IFRD2: variants seen among roughly 807,000 people sequenced by gnomAD.
IFRD2 encodes the protein interferon-related developmental regulator 2.
In IFRD2, 35 loss-of-function variants were observed where a neutral mutation model predicts 49.2. That is an observed-to-expected ratio of 0.71 (90% CI 0.54 to 0.94). The LOEUF (loss-of-function observed/expected upper bound fraction) is 0.94. Among genes scored for constraint, IFRD2 ranks in the 40% least tolerant of loss-of-function variants. The pLI, the probability that IFRD2 is intolerant of heterozygous loss-of-function variation, is 0.00. For missense variants in IFRD2, 561 were observed against 591.6 expected (o/e 0.95, Z 0.54); for synonymous variants, 275 against 239.7 (o/e 1.15, Z -1.36).
intron 8 of IFRD2, 151 bp from the exon 9 acceptor site, chr3:50,289,088 AC>A: frequency 8.2e-7 from 1 of 1,215,454 alleles, no homozygotes; most frequent in Non-Finnish European, 1.2e-6. Flanking sequence ...AGGCCAGGAC[AC>A]CACTGCTGAG....
At position 50,289,733 on chromosome 3, in the gene IFRD2, G is replaced by A. The variant is rs781858391; in HGVS notation, c.576C>T (p.Tyr192=). 1.1e-5 allele frequency: 17 copies of A among 1,603,630 alleles called. No individual in the cohort carries two copies. Among genetic ancestry groups the A allele is most frequent in the Admixed American group, 1.7e-5 (1 of 58,494 alleles). Residue 192 remains tyrosine (Y), a synonymous_variant, in exon 6 of 12, where the codon TAC becomes TAT. Transcript: ENST00000417626. ...HCASALGLGC[Y]VAAADIQDLV... is the part of the protein sequence containing the mutation. ...TCACCTGGATGTCAGCGGCAGCCAC[G>A]TAGCAGCCCAGGCCAAGGGCAGAAG... is the stretch of plus-strand genomic sequence containing the variant.
chr3:50,290,170 C>T lies in IFRD2; in HGVS notation c.388G>A (p.Gly130Arg). Residue 130 changes from glycine to arginine, a missense_variant and splice_region_variant, in exon 4 of 12, where the codon GGG (glycine) becomes AGG (arginine). Physicochemically the swap from Gly to Arg is moderately radical, Grantham distance 125. Coordinates refer to ENST00000417626, the MANE Select transcript of IFRD2 (RefSeq NM_006764.5). ...TCTCCCACACACCCCCAGGTCCAAC[C>T]TTTCTTGAGGCACTTTTCCAGGGCA... ...ADALEKCLKKGKGEEQALAAA... is the reference protein window; with the variant it reads ...ADALEKCLKKRKGEEQALAAA... 1.9e-6 allele frequency: 3 copies of T among 1,613,676 alleles called. No individual in the cohort carries two copies. The African/African-American group carries it at 4.0e-5, about 21-fold the overall frequency.
Position 50,288,176 on chromosome 3 carries a change from TCAG to T in IFRD2, c.*12_*14del. ...ACCAAGGGCATAGAAAGTCTCCTCT[TCAG>T]CAGGTCCTGCTTCACAGGATGTCTG... On this transcript the variant is annotated 3_prime_UTR_variant, in exon 12 of 12. Transcript: ENST00000417626. The T allele has an allele frequency of 6.2e-7, 1 of 1,608,632 alleles. No individual in the cohort carries two copies. The highest frequency in any genetic ancestry group is 1.7e-4 in the Middle Eastern group (1 of 6,056).
chr3:50,287,821 A>C lies in IFRD2; in HGVS notation c.*370T>G, dbSNP rs981290329. 5 of 260,724 alleles carry C rather than the reference A, an allele frequency of 1.9e-5. No homozygotes were observed. The highest frequency in any genetic ancestry group is 3.7e-5 in the Non-Finnish European group (5 of 134,716). The allele number at this position is 260,724 out of a possible 1,614,324, so 16.2% of individuals were successfully genotyped here. On this transcript the variant is annotated 3_prime_UTR_variant, in exon 12 of 12. Transcript: ENST00000417626. ...CAAATCCATTCCAGGTAGCTTTGCC[A>C]CCCCACCTGCTGTGGTGGCATTTGT... is the stretch of plus-strand genomic sequence containing the variant.
Position 50,289,772 on chromosome 3 carries a change from G to C in IFRD2, c.547-10C>G, listed in dbSNP as rs1344736014. On this transcript the variant is annotated splice_polypyrimidine_tract_variant and intron_variant, in intron 5 of 11. Transcript: ENST00000417626. ...CAAGGGCAGAAGCACACTGTTGGGA[G>C]AAGGGCAATGCAATGCCACGGTCAG... is the stretch of plus-strand genomic sequence containing the variant. 6.3e-7 allele frequency: 1 copy of C among 1,598,744 alleles called. No individual in the cohort carries two copies. The highest frequency in any genetic ancestry group is 8.5e-7 in the Non-Finnish European group (1 of 1,173,030).
rs117692440 is a variant in IFRD2 at position 50,290,414 on chromosome 3, C to G, written c.237G>C (p.Glu79Asp). ...TCTTGTCTGTGAGACAGTCCACATA[C>G]TCCTTCAGCTTTTCCTCAAGGTCTT... ...QQEDLEEKLK[E>D]YVDCLTDKSA... The change falls in exon 3 of 12, where the codon GAG becomes GAC. Residue 79 changes from glutamate (E) to aspartate (D), a missense_variant. Glu to Asp is a conservative substitution (Grantham distance 45). Coordinates refer to ENST00000417626, the MANE Select transcript of IFRD2 (RefSeq NM_006764.5). 3.0e-3 allele frequency: 4,752 copies of G among 1,579,294 alleles called. 161 individuals are homozygous for G. In the Admixed American group the frequency reaches 0.057, roughly 19 times the overall value.
chr3:50,290,180 G>A lies in IFRD2; in HGVS notation c.378C>T (p.Cys126=), dbSNP rs782184865. 6.2e-7 allele frequency: 1 copy of A among 1,613,812 alleles called. No homozygotes were observed. The highest frequency in any genetic ancestry group is 1.1e-5 in the South Asian group (1 of 91,052). The change falls in exon 4 of 12, where the codon TGC becomes TGT. Residue 126 remains cysteine, a synonymous_variant. Coordinates refer to ENST00000417626, the MANE Select transcript of IFRD2 (RefSeq NM_006764.5). The stretch of plus-strand genomic sequence containing the variant: ...ACCCCCAGGTCCAACCTTTCTTGAG[G>A]CACTTTTCCAGGGCATCGGCTAGCG... ...RLTLADALEK[C]LKKGKGEEQA...
chr3:50,291,863 T>C (rs1159521462), intron 1 of IFRD2: 6 of 253,284 alleles, frequency 2.4e-5, no homozygotes, highest in Non-Finnish European at 4.5e-5. Context: ...AGGCCAGGAC[T>C]CCCGCCAACT....
At chr3:50,288,352 T>G (rs1013826830) in intron 11 of IFRD2, 57 bp downstream of exon 11, 60 of 1,604,320 alleles carry the variant, frequency 3.7e-5, no homozygotes, top group Non-Finnish European at 5.1e-5. Flanking sequence ...TCTACAGAAT[T>G]CCAGGCCTCC....
Position 50,292,202 on chromosome 3 carries a change from C to G in IFRD2, c.58+15G>C. 2.8e-6 allele frequency: 4 copies of G among 1,454,190 alleles called. No homozygotes were observed. The highest frequency in any genetic ancestry group is 2.7e-6 in the Non-Finnish European group (3 of 1,104,938). The allele number at this position is 1,454,190 out of a possible 1,614,324, so 90.1% of individuals were successfully genotyped here. On this transcript the variant is annotated intron_variant, in intron 1 of 11. Coordinates refer to ENST00000417626, the MANE Select transcript of IFRD2 (RefSeq NM_006764.5). ...GCCGCTCATACAGCTGTCCCGCGCC[C>G]CCCACCCCACTCACCTCCTCCACGG...
chr3:50,288,471 C>G lies in IFRD2; in HGVS notation c.1186G>C (p.Gly396Arg), dbSNP rs1701602356. The G allele has an allele frequency of 1.2e-6, 2 of 1,613,792 alleles. No homozygotes were observed. The highest frequency in any genetic ancestry group is 2.7e-5 in the African/African-American group (2 of 74,928). The change falls in exon 11 of 12, where the codon GGC becomes CGC. Residue 396 changes from glycine to arginine, a missense_variant. Transcript: ENST00000417626. Reference protein sequence around the residue: ...NELLRDIFGLGPVLLLDATAL... With the variant: ...NELLRDIFGLRPVLLLDATAL... Reference sequence around the variant, plus strand: ...GTGGCATCCAGCAACAGCACAGGGCCCAGGCCAAAGATGTCACGGAGTAGC... The same window carrying G: ...GTGGCATCCAGCAACAGCACAGGGCGCAGGCCAAAGATGTCACGGAGTAGC...
rs1701656137 is a variant in IFRD2 at position 50,290,633 on chromosome 3, C to T, written c.105G>A (p.Glu35=). Residue 35 remains glutamate, a synonymous_variant, in exon 2 of 12, where the codon GAG becomes GAA. Coordinates refer to ENST00000417626, the MANE Select transcript of IFRD2 (RefSeq NM_006764.5). ...CGGTGCTGCGGGCCTCACTGGCTGC[C>T]TCATCGTCACTGGAACCCGAGTCAG... ...AQADSGSSDD[E]AASEARSTAS... The T allele has an allele frequency of 3.7e-6, 6 of 1,613,868 alleles. No homozygotes were observed. The highest frequency in any genetic ancestry group is 1.6e-4 in the Middle Eastern group (1 of 6,084).
rs1559803896 is a variant in IFRD2, at chr3:50,292,290, CG to C, written c.-17del. 4.5e-6 allele frequency: 7 copies of C among 1,550,330 alleles called. No individual in the cohort carries two copies. The highest frequency in any genetic ancestry group is 8.7e-7 in the Non-Finnish European group (1 of 1,152,254). Reference sequence around the variant, plus strand: ...CGCGAGGCATGCCGGGAACCGGGCGCGGGGGGCGCGGGGTCAGGGACCCGGT... The same window carrying C: ...CGCGAGGCATGCCGGGAACCGGGCGCGGGGGCGCGGGGTCAGGGACCCGGT... On this transcript the variant is annotated 5_prime_UTR_variant, in exon 1 of 12. Coordinates refer to ENST00000417626, the MANE Select transcript of IFRD2 (RefSeq NM_006764.5).
rs782803859 is a variant in IFRD2, at chr3:50,288,678, C to G, written c.1057G>C (p.Gly353Arg). The change falls in exon 10 of 12, where the codon GGC becomes CGC. Residue 353 changes from glycine to arginine, a missense_variant. By Grantham distance (125) the Gly-to-Arg change is moderately radical. Transcript: ENST00000417626. ...GECEEEIVRF[G>R]FEVLYMDSWA... ...CTGTCCATGTAGAGCACCTCAAAGC[C>G]GAAGCGCACTATCTCTTCTTCGCAT... 1 of 1,613,682 alleles carries G rather than the reference C, an allele frequency of 6.2e-7. No homozygotes were observed. The highest frequency in any genetic ancestry group is 1.1e-5 in the South Asian group (1 of 91,062).
Position 50,292,214 on chromosome 3 carries a change from C to T in IFRD2, c.58+3G>A. 1.4e-6 allele frequency: 2 copies of T among 1,466,394 alleles called. No homozygotes were observed. Among genetic ancestry groups the T allele is most frequent in the African/African-American group, 2.9e-5 (2 of 69,796 alleles). 90.8% of individuals were successfully genotyped at this position (1,466,394 alleles called of 1,614,324 possible). A position where few individuals can be genotyped will look rare whatever the true frequency, so the allele number is the denominator to read the frequency against. On this transcript the variant is annotated splice_donor_region_variant and intron_variant, in intron 1 of 11. Coordinates refer to ENST00000417626, the MANE Select transcript of IFRD2 (RefSeq NM_006764.5). ...GCTGTCCCGCGCCCCCCACCCCACT[C>T]ACCTCCTCCACGGCGCTGACCACCC...
chr3:50,289,064 C>T (rs1386558216), intron 8 of IFRD2, 127 bp from the exon 9 acceptor site: 1 of 1,369,128 alleles, frequency 7.3e-7, no homozygotes, highest in East Asian at 2.5e-5. Flanking sequence ...TTTGACCCCT[C>T]CTTGGCCTCT....
Sources: gnomAD v4.1 joint callset for allele counts on GRCh38, gnomAD v4.1.1 for gene constraint, MANE v1.5 for transcripts, NCBI Gene and HGNC (gene_info 2026-07-23, HGNC 2026-07-21) for gene names.